GPM6A: variants seen among roughly 807,000 people sequenced by gnomAD.
GPM6A encodes neuronal membrane glycoprotein M6-a.
Under a neutral mutation model 32.1 loss-of-function variants are expected in GPM6A, and 7 were observed. The observed-to-expected ratio is 0.22, with a 90% CI of 0.12 to 0.41. GPM6A has a LOEUF of 0.41. GPM6A is among the 10% of genes least tolerant of loss of function. The pLI is 1.00. For synonymous variants in GPM6A, 130 were observed against 123.4 expected (o/e 1.05, Z -0.35); for missense variants, 235 against 347.2 (o/e 0.68, Z 2.57).
At chr4:175,863,338 C>A (rs1215501054) in intron 1 of GPM6A, among the ~76,000 whole-genome samples, 1 of 151,944 alleles carries the variant, frequency 6.6e-6, no homozygotes, top group East Asian at 1.9e-4. Flanking sequence ...CTATACTATG[C>A]ATAGTTTTTG....
At chr4:175,805,602 A>G (rs1210537160) in intron 1 of GPM6A, among the ~76,000 whole-genome samples, 1 of 152,192 alleles carries the variant, frequency 6.6e-6, no homozygotes, top group African/African-American at 2.4e-5. Context: ...TATGATAAAA[A>G]TTTAAGTCCA....
intron 2 of GPM6A, among the ~76,000 whole-genome samples, chr4:175,685,276 G>C (rs1743916207): frequency 6.6e-6 from 1 of 152,122 alleles, no homozygotes; most frequent in Non-Finnish European, 1.5e-5. Context: ...AGGGTATACT[G>C]AATCTATTCA....
At chr4:175,775,129 G>C (rs1014111500) in intron 1 of GPM6A, among the ~76,000 whole-genome samples, 1 of 152,064 alleles carries the variant, frequency 6.6e-6, no homozygotes, top group Non-Finnish European at 1.5e-5. Flanking sequence ...GAAATCTTTG[G>C]AAGTATTTAG....
chr4:175,900,914 AGATACACAATG>A (rs1400774926), intron 1 of GPM6A, among the ~76,000 whole-genome samples: 1 of 152,218 alleles, frequency 6.6e-6, no homozygotes, highest in African/African-American at 2.4e-5. Context: ...AATGTGGTAC[AGATACACAATG>A]GAGTACTATT....
In GPM6A at chr4:175,805,383, G is replaced by A. The variant is rs1483453951; in HGVS notation, c.37+6808C>T. Among the ~76,000 whole-genome samples the A allele has an allele frequency of 2.0e-5, 3 of 152,280 alleles. No individual in the cohort carries two copies. In the East Asian group the frequency reaches 5.8e-4, roughly 29 times the overall value. On this transcript the variant is annotated intron_variant, in intron 1 of 6. Transcript: ENST00000393658. ...GAAAATAGTTTCCCAGACATTGAAAGTTCTATTATAAATCAATGAAGAATG... is the reference window on the plus strand; with the variant it reads ...GAAAATAGTTTCCCAGACATTGAAAATTCTATTATAAATCAATGAAGAATG...
At chr4:176,000,479 A>G (rs1741443623) in intron 1 of GPM6A, among the ~76,000 whole-genome samples, 1 of 152,224 alleles carries the variant, frequency 6.6e-6, no homozygotes, top group Admixed American at 6.5e-5. Flanking sequence ...TCACTATAGT[A>G]AGGAAATGGA....
upstream of GPM6A, among the ~76,000 whole-genome samples, chr4:175,816,068 A>G (rs1044547247): frequency 6.6e-6 from 1 of 152,128 alleles, no homozygotes; most frequent in African/African-American, 2.4e-5. Context: ...GTGCACACCT[A>G]TAGTCCCAGC....
At chr4:175,976,678 G>A (rs1453677151) in intron 1 of GPM6A, among the ~76,000 whole-genome samples, 2 of 152,128 alleles carry the variant, frequency 1.3e-5, no homozygotes, top group East Asian at 3.9e-4. Context: ...CAGATGAACG[G>A]TCCACTAATA....
intron 1 of GPM6A, among the ~76,000 whole-genome samples, chr4:175,949,085 G>C (rs182587899): frequency 6.6e-6 from 1 of 151,522 alleles, no homozygotes; most frequent in Admixed American, 6.6e-5. Flanking sequence ...ATCAAAAAAA[G>C]CTCCTAAAAT....
chr4:175,640,973 A>T lies in GPM6A; in HGVS notation c.542-144T>A, dbSNP rs961123940. 1.6e-5 allele frequency: 10 copies of T among 618,018 alleles called. No individual in the cohort carries two copies. In the Admixed American group the frequency reaches 2.0e-4, roughly 12 times the overall value. 38.3% of individuals were successfully genotyped at this position (618,018 alleles called of 1,614,324 possible). On this transcript the variant is annotated intron_variant, in intron 4 of 6. Coordinates refer to ENST00000393658, the MANE Select transcript of GPM6A (RefSeq NM_201591.3). ...ACAGTGGAAAAATAATCTAGCTTTCATTGTGGATAATAACTATGCATAGAA... is the reference window on the plus strand; with the variant it reads ...ACAGTGGAAAAATAATCTAGCTTTCTTTGTGGATAATAACTATGCATAGAA...
intron 1 of GPM6A, among the ~76,000 whole-genome samples, chr4:175,754,309 T>A (rs1360838023): frequency 6.6e-6 from 1 of 152,052 alleles, no homozygotes; most frequent in Non-Finnish European, 1.5e-5. Flanking sequence ...AATAACAAGA[T>A]CCTTGGTTTA....
At chr4:175,678,556 A>T (rs1021060014) in intron 2 of GPM6A, among the ~76,000 whole-genome samples, 7 of 152,170 alleles carry the variant, frequency 4.6e-5, no homozygotes, top group Non-Finnish European at 7.4e-5. Context: ...AGCAGATGAG[A>T]GAGAGAGAAG....
intron 1 of GPM6A, among the ~76,000 whole-genome samples, chr4:175,895,556 A>C (rs892892444): frequency 5.5e-4 from 83 of 152,290 alleles, no homozygotes; most frequent in African/African-American, 1.9e-3. Context: ...GTATATCACC[A>C]AGAGATATAT....
intron 1 of GPM6A, among the ~76,000 whole-genome samples, chr4:175,964,296 AAAC>A (rs140794301): frequency 0.61 from 93,064 of 151,330 alleles, 34,531 homozygotes; most frequent in Non-Finnish European, 0.83. Context: ...AAAAACAAAC[AAAC>A]AACAACAACA....
intron 2 of GPM6A, among the ~76,000 whole-genome samples, chr4:175,696,342 C>G (rs75921327): frequency 6.6e-6 from 1 of 152,138 alleles, no homozygotes. Flanking sequence ...GGAACAAGCT[C>G]AGGGGAGTTT....
At chr4:175,692,784 CA>C (rs1744368912) in intron 2 of GPM6A, among the ~76,000 whole-genome samples, 1 of 152,044 alleles carries the variant, frequency 6.6e-6, no homozygotes, top group South Asian at 2.1e-4. Flanking sequence ...CTAGCTTTTA[CA>C]AATTAGCTTA....
intron 3 of GPM6A, among the ~76,000 whole-genome samples, chr4:175,658,975 A>T (rs10520299): frequency 6.6e-6 from 1 of 151,504 alleles, no homozygotes; most frequent in Non-Finnish European, 1.5e-5. Context: ...ATAAAGCTAC[A>T]GAGAATCTTC....
intron 1 of GPM6A, among the ~76,000 whole-genome samples, chr4:175,728,387 T>A (rs1731274190): frequency 6.6e-6 from 1 of 152,176 alleles, no homozygotes; most frequent in Non-Finnish European, 1.5e-5. Flanking sequence ...AGATGTTATT[T>A]TGAAAAGAAC....
At chr4:175,766,409 C>A (rs1351819637) in intron 1 of GPM6A, among the ~76,000 whole-genome samples, 1 of 152,064 alleles carries the variant, frequency 6.6e-6, no homozygotes, top group Non-Finnish European at 1.5e-5. Flanking sequence ...AGGAAAAAAC[C>A]TGAAGAAATG....
Sources: gnomAD v4.1 joint callset for allele counts (sites outside exome capture counted in the v4.1 genomes callset) on GRCh38, gnomAD v4.1.1 for gene constraint, MANE v1.5 for transcripts, NCBI Gene and HGNC (gene_info 2026-07-23, HGNC 2026-07-21) for gene names.